EXPH5: variants seen among roughly 807,000 people sequenced by gnomAD.
EXPH5 encodes the protein exophilin-5.
A neutral mutation model predicts 41.1 loss-of-function variants in EXPH5; 42 were observed. The ratio of observed to expected loss-of-function variants is 1.02; its 90% CI spans 0.80 to 1.32. The LOEUF (loss-of-function observed/expected upper bound fraction) is 1.32. Among genes scored for constraint, EXPH5 ranks in the 40% most tolerant of loss-of-function variants. The pLI, the probability that EXPH5 is intolerant of heterozygous loss-of-function variation, is 0.00. For missense variants in EXPH5, 2,298 were observed against 2,314.5 expected, an observed-to-expected ratio of 0.99 and a Z score of 0.15; for synonymous variants, 798 against 833.5, an observed-to-expected ratio of 0.96 and a Z score of 0.73.
At chr11:108,533,494 C>T (rs562736346) in intron 3 of EXPH5, among the ~76,000 whole-genome samples, 1 of 152,320 alleles carries the variant, frequency 6.6e-6, no homozygotes, top group Non-Finnish European at 1.5e-5. Flanking sequence ...TGAGCCACCT[C>T]GCCCGGCCTA....
chr11:108,547,896 G>T (rs1358800878), intron 1 of EXPH5, among the ~76,000 whole-genome samples: 3 of 151,986 alleles, frequency 2.0e-5, no homozygotes, highest in African/African-American at 7.3e-5. Flanking sequence ...GATCACCTGA[G>T]GTCAGTAGTT....
At chr11:108,530,420 A>G (rs956253340) in intron 3 of EXPH5, among the ~76,000 whole-genome samples, 3 of 152,198 alleles carry the variant, frequency 2.0e-5, no homozygotes, top group African/African-American at 7.2e-5. Context: ...TGCATGGGAA[A>G]TGCATAGGGG....
At chr11:108,589,624 T>C (rs984776273) in intron 1 of EXPH5, among the ~76,000 whole-genome samples, 1 of 152,208 alleles carries the variant, frequency 6.6e-6, no homozygotes. Flanking sequence ...AGATTTAGGT[T>C]CAAATTCTAT....
In EXPH5 at chr11:108,593,578, C is replaced by T; in HGVS notation, c.-42G>A. 1.2e-6 allele frequency: 2 copies of T among 1,613,700 alleles called. No homozygotes were observed. Among genetic ancestry groups the T allele is most frequent in the Non-Finnish European group, 1.7e-6 (2 of 1,179,832 alleles). On this transcript the variant is annotated 5_prime_UTR_variant, in exon 1 of 6. Transcript: ENST00000265843. ...GAGTTACACTTAAGCTCCTTGGCGC[C>T]TCCTGTTAGGAAGGCATTTTTCAAC...
Position 108,514,264 on chromosome 11 carries a change from A to G in EXPH5, c.1243T>C (p.Tyr415His), listed in dbSNP as rs1247517012. The G allele has an allele frequency of 3.7e-6, 6 of 1,614,160 alleles. No individual in the cohort carries two copies. Among genetic ancestry groups the G allele is most frequent in the Non-Finnish European group, 5.1e-6 (6 of 1,180,024 alleles). The stretch of plus-strand genomic sequence containing the variant: ...ACATTCTGTGAATGGTACGATTCAT[A>G]TCTCTTATTCTCCTGAAAACCCCTG... ...YPRGFQENKR[Y>H]ESYHSQNVYQ... The change falls in exon 6 of 6, where the codon TAT becomes CAT. Residue 415 changes from tyrosine to histidine, a missense_variant. Transcript: ENST00000265843.
Position 108,518,261 on chromosome 11 carries a change from G to A in EXPH5, c.605C>T (p.Ser202Leu). The A allele has an allele frequency of 6.2e-7, 1 of 1,613,834 alleles. No individual in the cohort carries two copies. The highest frequency in any genetic ancestry group is 1.1e-5 in the South Asian group (1 of 91,010). ...TTGGAAAAACTCATTCTCCAGCAGT[G>A]AAGCATCCCACGGTGGAGGCATGCC... ...ESGMPPPWDA[S>L]LLENEFFQVL... The change falls in exon 5 of 6, where the codon TCA (serine) becomes TTA (leucine). Residue 202 changes from serine (S) to leucine (L), a missense_variant. Coordinates refer to ENST00000265843, the MANE Select transcript of EXPH5 (RefSeq NM_015065.3).
chr11:108,512,070 C>T lies in EXPH5; in HGVS notation c.3437G>A (p.Gly1146Asp), dbSNP rs1243526472. The T allele has an allele frequency of 1.2e-6, 2 of 1,611,158 alleles. No individual in the cohort carries two copies. The highest frequency in any genetic ancestry group is 1.7e-5 in the Admixed American group (1 of 59,562). Residue 1146 changes from glycine (G) to aspartate (D), a missense_variant, in exon 6 of 6, where the codon GGC becomes GAC. By Grantham distance (94) the Gly-to-Asp change is moderately conservative (BLOSUM62 -1). Transcript: ENST00000265843. ...REGRKKPLTS[G>D]MDASELTPRA... ...TGGTGTTAGCTCAGAAGCATCCATG[C>T]CTGAGGTCAATGGCTTTTTTCTTCC...
chr11:108,604,995 T>C, the EXPH5 span, among the ~76,000 whole-genome samples: 1 of 151,874 alleles, frequency 6.6e-6, no homozygotes, highest in Non-Finnish European at 1.5e-5. Context: ...TTAGAAGGAA[T>C]TGAGAGTAAC....
intron 1 of EXPH5, among the ~76,000 whole-genome samples, chr11:108,567,234 A>G (rs1166511278): frequency 6.6e-6 from 1 of 152,216 alleles, no homozygotes; most frequent in Non-Finnish European, 1.5e-5. Flanking sequence ...AGCCTTCTTT[A>G]GGACTTTAGT....
At chr11:108,562,855 C>T (rs1166987045) in intron 1 of EXPH5, among the ~76,000 whole-genome samples, 1 of 152,158 alleles carries the variant, frequency 6.6e-6, no homozygotes, top group African/African-American at 2.4e-5. Flanking sequence ...ATAACTCCCA[C>T]TGTCAGAGAT....
In EXPH5 at chr11:108,589,341, G is replaced by A. The variant is rs570446497; in HGVS notation, c.119+4077C>T. Among the ~76,000 whole-genome samples, 5 of 152,268 alleles carry A rather than the reference G, an allele frequency of 3.3e-5. No homozygotes were observed. In the South Asian group the frequency reaches 1.0e-3, roughly 32 times the overall value. On this transcript the variant is annotated intron_variant, in intron 1 of 5. Transcript: ENST00000265843. ...GAGGGCAGGCAGAATGTGTAGGGGA[G>A]GCAGGAGGCTTGTGTATCTGGCTTT...
intron 5 of EXPH5, among the ~76,000 whole-genome samples, chr11:108,516,173 C>T (rs1410447610): frequency 6.6e-6 from 1 of 151,218 alleles, no homozygotes; most frequent in East Asian, 1.9e-4. Flanking sequence ...CATAGTTTTA[C>T]AAAGACGTGA....
At chr11:108,576,183 A>G (rs925620696) in intron 1 of EXPH5, among the ~76,000 whole-genome samples, 1 of 152,216 alleles carries the variant, frequency 6.6e-6, no homozygotes, top group Non-Finnish European at 1.5e-5. Context: ...TCAAATGTCT[A>G]TCAATGGATG....
At chr11:108,565,057 C>G (rs952318622) in intron 1 of EXPH5, among the ~76,000 whole-genome samples, 2 of 151,958 alleles carry the variant, frequency 1.3e-5, no homozygotes, top group Admixed American at 6.6e-5. Context: ...AGGCACCCAC[C>G]ACCACGCCTG....
chr11:108,593,196 GC>G (rs2094132287), intron 1 of EXPH5, among the ~76,000 whole-genome samples: 3 of 150,568 alleles, frequency 2.0e-5, no homozygotes, highest in Admixed American at 2.0e-4. Flanking sequence ...CCGCAGCCGA[GC>G]CCGTCTGGTA....
chr11:108,582,469 G>GA (rs576403912), intron 1 of EXPH5, among the ~76,000 whole-genome samples: 75 of 131,564 alleles, frequency 5.7e-4, no homozygotes, highest in African/African-American at 7.9e-4. Flanking sequence ...CTGTCACAAA[G>GA]AAAAAAAAAA....
intron 4 of EXPH5, among the ~76,000 whole-genome samples, chr11:108,525,008 T>A (rs1016166873): frequency 2.6e-5 from 4 of 152,104 alleles, no homozygotes; most frequent in Non-Finnish European, 5.9e-5. Flanking sequence ...ACGGGGGCGG[T>A]TTCCCCCATA....
intron 1 of EXPH5, among the ~76,000 whole-genome samples, chr11:108,579,773 T>C (rs2094092108): frequency 6.6e-6 from 1 of 152,030 alleles, no homozygotes; most frequent in Non-Finnish European, 1.5e-5. Flanking sequence ...GGACTCAGAG[T>C]AGTGCAAAAC....
chr11:108,527,398 GGAGA>G (rs140424664), intron 4 of EXPH5, among the ~76,000 whole-genome samples: 1,507 of 149,900 alleles, frequency 0.01, 5 homozygotes, highest in Non-Finnish European at 0.016. Context: ...AGAGAGGGAG[GGAGA>G]GAGAGAGAGA....
Sources: allele counts gnomAD v4.1 joint callset (sites outside exome capture counted in the v4.1 genomes callset), GRCh38; gene constraint gnomAD v4.1.1; transcripts MANE v1.5; gene names NCBI Gene and HGNC (gene_info 2026-07-23, HGNC 2026-07-21).